NCKAP5: variants seen among roughly 807,000 people sequenced by gnomAD.
NCKAP5 encodes the protein nck-associated protein 5.
In NCKAP5, 92 loss-of-function variants were observed where a neutral mutation model predicts 167.0. That is an observed-to-expected ratio of 0.55 (90% confidence interval 0.47 to 0.66). The LOEUF (loss-of-function observed/expected upper bound fraction) is 0.66. Ranked by LOEUF, NCKAP5 falls within the 30% of genes least tolerant of loss-of-function variation. The pLI, the probability that NCKAP5 is intolerant of heterozygous loss-of-function variation, is 0.00. For missense variants in NCKAP5, 2,378 were observed against 2,315.0 expected, an observed-to-expected ratio of 1.03 and a Z score of -0.56; for synonymous variants, 891 against 877.4, an observed-to-expected ratio of 1.02 and a Z score of -0.27.
chr2:133,067,055 C>T (rs368924980), intron 6 of NCKAP5, among the ~76,000 whole-genome samples: 5 of 151,810 alleles, frequency 3.3e-5, no homozygotes, highest in East Asian at 1.9e-4. Flanking sequence ...TTGGTAGAGA[C>T]GGGGTTTCAC....
intron 5 of NCKAP5, among the ~76,000 whole-genome samples, chr2:133,193,949 G>T (rs1417112007): frequency 6.6e-6 from 1 of 152,016 alleles, no homozygotes; most frequent in East Asian, 1.9e-4. Flanking sequence ...TTGGATCAGC[G>T]GCTGTGTTAC....
chr2:132,969,236 T>C (rs570801929), intron 7 of NCKAP5, among the ~76,000 whole-genome samples: 1 of 152,020 alleles, frequency 6.6e-6, no homozygotes, highest in African/African-American at 2.4e-5. Flanking sequence ...TGGGGTTTCA[T>C]TATGTTAGCC....
At chr2:133,571,349 A>G (rs1040202927), upstream of NCKAP5, among the ~76,000 whole-genome samples, 6 of 152,094 alleles carry the variant, frequency 3.9e-5, no homozygotes, top group Non-Finnish European at 7.4e-5. Flanking sequence ...CTTAGCATAA[A>G]AACAAAAGAG....
intron 6 of NCKAP5, among the ~76,000 whole-genome samples, chr2:133,109,731 T>C (rs781696569): frequency 4.6e-5 from 7 of 151,638 alleles, no homozygotes; most frequent in Non-Finnish European, 8.8e-5. Flanking sequence ...TTTATTTCAT[T>C]AGGCATTTCC....
chr2:133,554,098 C>T (rs981902118), intron 2 of NCKAP5, among the ~76,000 whole-genome samples: 1 of 152,142 alleles, frequency 6.6e-6, no homozygotes, highest in Non-Finnish European at 1.5e-5. Flanking sequence ...CTTGCTTCTT[C>T]GAGGCCAGCA....
At chr2:132,705,312 T>C (rs921497109) in intron 19 of NCKAP5, among the ~76,000 whole-genome samples, 2 of 152,136 alleles carry the variant, frequency 1.3e-5, no homozygotes, top group Non-Finnish European at 2.9e-5. Flanking sequence ...TACCCTTTTA[T>C]AGCAAAAATC....
intron 3 of NCKAP5, among the ~76,000 whole-genome samples, chr2:133,462,477 T>A (rs1423041494): frequency 6.6e-6 from 1 of 152,234 alleles, no homozygotes; most frequent in African/African-American, 2.4e-5. Context: ...AGCATTTTAG[T>A]TTTCTTATTG....
At chr2:132,755,344 A>G (rs961416395) in intron 16 of NCKAP5, among the ~76,000 whole-genome samples, 4 of 152,148 alleles carry the variant, frequency 2.6e-5, no homozygotes, top group African/African-American at 9.7e-5. Context: ...CTTTCTCATC[A>G]TGTGTGAGGC....
chr2:133,557,162 C>A (rs1205314919), intron 2 of NCKAP5, among the ~76,000 whole-genome samples: 1 of 152,140 alleles, frequency 6.6e-6, no homozygotes. Context: ...GCTTGTCTTT[C>A]CAAAACAAAT....
the NCKAP5 span, among the ~76,000 whole-genome samples, chr2:133,616,055 G>A: frequency 6.6e-6 from 1 of 150,648 alleles, no homozygotes; most frequent in South Asian, 2.1e-4. Context: ...ATGACTACTG[G>A]GTACATAACG....
At chr2:133,019,685 A>ATGAT (rs2078459837) in intron 6 of NCKAP5, among the ~76,000 whole-genome samples, 1 of 152,224 alleles carries the variant, frequency 6.6e-6, no homozygotes, top group Admixed American at 6.5e-5. Flanking sequence ...CATTGGATGT[A>ATGAT]TCTAATCATA....
At chr2:132,981,483 G>C (rs183422588) in intron 7 of NCKAP5, among the ~76,000 whole-genome samples, 1 of 152,214 alleles carries the variant, frequency 6.6e-6, no homozygotes. Context: ...CCTAAAATGA[G>C]GGTTATAATT....
At chr2:133,302,748 A>G (rs1011005181) in intron 4 of NCKAP5, among the ~76,000 whole-genome samples, 2 of 149,428 alleles carry the variant, frequency 1.3e-5, no homozygotes, top group Non-Finnish European at 3.0e-5. Flanking sequence ...AACCTGCACA[A>G]TGTGCACATG....
At chr2:133,540,538 C>T (rs561844834) in intron 2 of NCKAP5, among the ~76,000 whole-genome samples, 20 of 152,224 alleles carry the variant, frequency 1.3e-4, no homozygotes, top group Admixed American at 4.6e-4. Flanking sequence ...GAAGGATATA[C>T]TTTAGCAAAA....
At chr2:132,684,948 C>T (rs766442670) in intron 19 of NCKAP5, among the ~76,000 whole-genome samples, 8 of 152,152 alleles carry the variant, frequency 5.3e-5, no homozygotes, top group Admixed American at 6.5e-5. Context: ...ACAGTGACTG[C>T]GGAAGACTGT....
rs1019501782 is a variant in NCKAP5 at position 132,795,684 on chromosome 2, C to T, written c.909+944G>A. On this transcript the variant is annotated intron_variant, in intron 12 of 19. Coordinates refer to ENST00000409261, the MANE Select transcript of NCKAP5 (RefSeq NM_207363.3). ...AAATATAAAAATTAGCTGGGTGTGGCGGCGGGCGCCTATAATCCCAGCTAC... is the reference window on the plus strand; with the variant it reads ...AAATATAAAAATTAGCTGGGTGTGGTGGCGGGCGCCTATAATCCCAGCTAC... 4.0e-5 allele frequency among the ~76,000 whole-genome samples: 6 copies of T among 151,636 alleles called. No individual in the cohort carries two copies. In the East Asian group the frequency reaches 5.8e-4, roughly 15 times the overall value.
At chr2:133,183,881 CA>C (rs2084835189) in intron 5 of NCKAP5, among the ~76,000 whole-genome samples, 1 of 152,132 alleles carries the variant, frequency 6.6e-6, no homozygotes, top group African/African-American at 2.4e-5. Flanking sequence ...TCATAGGATA[CA>C]AGATTAGCAC....
At chr2:132,737,562 A>G (rs1471990478) in intron 16 of NCKAP5, among the ~76,000 whole-genome samples, 1 of 152,048 alleles carries the variant, frequency 6.6e-6, no homozygotes, top group Non-Finnish European at 1.5e-5. Flanking sequence ...TCAAGTTGCT[A>G]CCTTAGGGTG....
At chr2:132,963,905 C>A in intron 7 of NCKAP5, 36 bp from the exon 8 acceptor site, 1 of 1,608,350 alleles carries the variant, frequency 6.2e-7, no homozygotes, top group South Asian at 1.1e-5. Context: ...TCAATAATCT[C>A]CAGTGAAAAA....
Sources: gnomAD v4.1 joint callset for allele counts (sites outside exome capture counted in the v4.1 genomes callset) on GRCh38, gnomAD v4.1.1 for gene constraint, MANE v1.5 for transcripts, NCBI Gene and HGNC (gene_info 2026-07-23, HGNC 2026-07-21) for gene names.